The following CYYR1 variants were observed in gnomAD, a reference collection of about 807,000 sequenced individuals.
CYYR1 encodes cysteine and tyrosine-rich protein 1.
In CYYR1, 14 loss-of-function variants were observed where a neutral mutation model predicts 15.2. The ratio of observed to expected loss-of-function variants is 0.92; its 90% CI spans 0.61 to 1.44. The LOEUF (loss-of-function observed/expected upper bound fraction) is 1.44, where lower values mean the gene tolerates loss of function less well. CYYR1 is among the 40% of genes most tolerant of loss of function. The probability of loss-of-function intolerance (pLI) is 0.00; values close to 1 mark genes in which losing one functional copy is unlikely to be tolerated. For synonymous variants in CYYR1, 80 were observed against 77.4 expected (o/e 1.03, Z -0.18); for missense variants, 228 against 209.5 (o/e 1.09, Z -0.54).
chr21:26,562,727 AACACACAC>A (rs58990363), intron 2 of CYYR1, among the ~76,000 whole-genome samples: 81 of 131,692 alleles, frequency 6.2e-4, no homozygotes, highest in African/African-American at 1.7e-3. Context: ...TCTCCTCCTA[AACACACAC>A]ACACACACAC....
intron 3 of CYYR1, chr21:26,471,126 G>A (rs1360360235): frequency 5.3e-5 from 8 of 152,058 alleles, no homozygotes; most frequent in Admixed American, 5.2e-4. Context: ...CCCACGCCTC[G>A]ACTTCATTAT....
intron 2 of CYYR1, among the ~76,000 whole-genome samples, chr21:26,565,722 A>G (rs921031177): frequency 3.3e-5 from 5 of 152,148 alleles, no homozygotes; most frequent in African/African-American, 4.8e-5. Flanking sequence ...ATCACTTTGC[A>G]TTACTCATAC....
At position 26,532,794 on chromosome 21, in the gene CYYR1, C is replaced by T. The variant is rs1247739583; in HGVS notation, c.176+33472G>A. Reference sequence around the variant, plus strand: ...TTCAGAGTCAGAAATGATGGTGATGCCAAACAACCACAGATTTTCCATGTG... The same window carrying T: ...TTCAGAGTCAGAAATGATGGTGATGTCAAACAACCACAGATTTTCCATGTG... On this transcript the variant is annotated intron_variant, in intron 2 of 3. Coordinates refer to ENST00000652641, the MANE Select transcript of CYYR1 (RefSeq NM_001320768.2). Among the ~76,000 whole-genome samples the T allele has an allele frequency of 3.3e-5, 5 of 152,204 alleles. No homozygotes were observed. The East Asian group carries it at 5.8e-4, about 18-fold the overall frequency.
intron 2 of CYYR1, chr21:26,503,657 A>G (rs2065512683): frequency 6.6e-6 from 1 of 152,176 alleles, no homozygotes; most frequent in Non-Finnish European, 1.5e-5. Context: ...TTAAAGATTT[A>G]AGACATCTAA....
At chr21:26,495,326 G>A (rs2065382953) in intron 2 of CYYR1, among the ~76,000 whole-genome samples, 1 of 152,166 alleles carries the variant, frequency 6.6e-6, no homozygotes, top group South Asian at 2.1e-4. Flanking sequence ...CTAGCAGCAA[G>A]CTTGCAACAG....
rs1345044306 is a variant in CYYR1, at chr21:26,573,284, T to G, written c.-344A>C. ...TTTCATCTCCGCGGGTGGCAACGAC[T>G]GCGGGCAGGGGGCGGGGGTGGCCCC... On this transcript the variant is annotated 5_prime_UTR_variant, in exon 1 of 4. Transcript: ENST00000652641. 7.7e-7 allele frequency: 1 copy of G among 1,290,920 alleles called. No individual in the cohort carries two copies. The highest frequency in any genetic ancestry group is 2.5e-5 in the Admixed American group (1 of 39,526). 80.0% of individuals were successfully genotyped at this position (1,290,920 alleles called of 1,614,324 possible).
intron 2 of CYYR1, among the ~76,000 whole-genome samples, chr21:26,489,033 C>T (rs972173317): frequency 1.3e-5 from 2 of 152,058 alleles, no homozygotes; most frequent in African/African-American, 4.8e-5. Flanking sequence ...TAAACAAAAG[C>T]AAATATTTAA....
intron 2 of CYYR1, among the ~76,000 whole-genome samples, chr21:26,557,064 C>G (rs1334026186): frequency 1.3e-5 from 2 of 152,126 alleles, no homozygotes; most frequent in African/African-American, 4.8e-5. Context: ...CTTTACATAG[C>G]AGCTATACGA....
At chr21:26,560,490 T>G (rs1980122119) in intron 2 of CYYR1, among the ~76,000 whole-genome samples, 1 of 152,216 alleles carries the variant, frequency 6.6e-6, no homozygotes, top group African/African-American at 2.4e-5. Flanking sequence ...AAGGCACTAG[T>G]TTGTCATATT....
At position 26,468,580 on chromosome 21, in the gene CYYR1, G is replaced by C. The variant is rs533631176; in HGVS notation, c.389C>G (p.Pro130Arg). The C allele has an allele frequency of 2.4e-5, 39 of 1,613,608 alleles. No homozygotes were observed. In the South Asian group the frequency reaches 4.1e-4, roughly 17 times the overall value. Residue 130 changes from proline (P) to arginine (R), a missense_variant, in exon 4 of 4, where the codon CCT (proline) becomes CGT (arginine). Physicochemically the swap from Pro to Arg is moderately radical, Grantham distance 103 (BLOSUM62 -2). Transcript: ENST00000652641. ...CTGTGGGGTGGGGGAGTATGGAGGA[G>C]GCAAGTCTGCACAGTATTCCATCTC... ...DHEMEYCADL[P>R]PPYSPTPQGP...
At chr21:26,532,226 G>C (rs770671451) in intron 2 of CYYR1, among the ~76,000 whole-genome samples, 1 of 152,096 alleles carries the variant, frequency 6.6e-6, no homozygotes, top group Middle Eastern at 3.2e-3. Context: ...GAATCAAGGT[G>C]ATCATGAAAA....
At chr21:26,554,637 T>C (rs903199998) in intron 2 of CYYR1, among the ~76,000 whole-genome samples, 5 of 152,148 alleles carry the variant, frequency 3.3e-5, no homozygotes, top group Non-Finnish European at 7.4e-5. Flanking sequence ...TACTCTCCTG[T>C]TGATGAAGTC....
intron 2 of CYYR1, among the ~76,000 whole-genome samples, chr21:26,497,339 A>G (rs1465657205): frequency 6.6e-6 from 1 of 152,174 alleles, no homozygotes; most frequent in Non-Finnish European, 1.5e-5. Context: ...CGTTTCATCA[A>G]TCTTGTATCA....
chr21:26,497,764 G>A (rs2065427469), intron 2 of CYYR1, among the ~76,000 whole-genome samples: 1 of 151,988 alleles, frequency 6.6e-6, no homozygotes, highest in Non-Finnish European at 1.5e-5. Flanking sequence ...TTAATTTTTG[G>A]GGGACCAATC....
intron 2 of CYYR1, among the ~76,000 whole-genome samples, chr21:26,526,539 A>C (rs2065868766): frequency 6.6e-6 from 1 of 152,204 alleles, no homozygotes; most frequent in Non-Finnish European, 1.5e-5. Flanking sequence ...AATAGAAGCT[A>C]TTCCATGTTA....
intron 2 of CYYR1, among the ~76,000 whole-genome samples, chr21:26,494,202 A>G (rs1383851666): frequency 6.6e-6 from 1 of 152,192 alleles, no homozygotes; most frequent in African/African-American, 2.4e-5. Flanking sequence ...CAAAGCAGAA[A>G]TGGAAATCTC....
chr21:26,520,620 GT>G (rs1318222220), intron 2 of CYYR1, among the ~76,000 whole-genome samples: 5 of 152,114 alleles, frequency 3.3e-5, no homozygotes, highest in Admixed American at 6.6e-5. Flanking sequence ...GGGTGAAATG[GT>G]ATTTCTGGTT....
chr21:26,475,779 G>A (rs1394336799), intron 3 of CYYR1, among the ~76,000 whole-genome samples: 9 of 152,140 alleles, frequency 5.9e-5, no homozygotes, highest in African/African-American at 1.9e-4. Flanking sequence ...CTCAGTTCAT[G>A]TTTGAATTCT....
chr21:26,472,429 C>A (rs1408421603), intron 3 of CYYR1, among the ~76,000 whole-genome samples: 1 of 151,890 alleles, frequency 6.6e-6, no homozygotes, highest in Non-Finnish European at 1.5e-5. Flanking sequence ...AAACTACTTT[C>A]AAAAATAATT....
Sources: allele counts gnomAD v4.1 joint callset (sites outside exome capture counted in the v4.1 genomes callset), GRCh38; gene constraint gnomAD v4.1.1; transcripts MANE v1.5; gene names NCBI Gene and HGNC (gene_info 2026-07-23, HGNC 2026-07-21).